Variants in GSE1 observed in about 807,000 individuals in gnomAD.
The protein encoded by GSE1 is Gse1 coiled-coil protein.
A neutral mutation model predicts 112.6 loss-of-function variants in GSE1; 32 were observed. That is an observed-to-expected ratio of 0.28 (90% CI 0.21 to 0.38). The LOEUF is 0.38. Among genes scored for constraint, GSE1 ranks in the 10% least tolerant of loss-of-function variants. The pLI, the probability that GSE1 is intolerant of heterozygous loss-of-function variation, is 1.00. For missense variants in GSE1, 2,348 were observed against 1,699.2 expected, an observed-to-expected ratio of 1.38 and a Z score of -6.71; for synonymous variants, 1,115 against 735.6, an observed-to-expected ratio of 1.52 and a Z score of -8.35.
Position 85,246,459 on chromosome 16 carries a change from A to ACACC in GSE1, c.2283+74653_2283+74654insACCC, listed in dbSNP as rs1247926241. Among the ~76,000 whole-genome samples the ACACC allele has an allele frequency of 1.4e-4, 9 of 64,144 alleles. No individual in the cohort carries two copies. In the South Asian group the frequency reaches 1.7e-3, roughly 12 times the overall value. 42.1% of individuals were successfully genotyped at this position (64,144 alleles called of 152,430 possible). A position where few individuals can be genotyped will look rare whatever the true frequency, so the allele number is the denominator to read the frequency against. ...TACACACACACACACACACACACAC[A>ACACC]CCCCACACGCTGCACACACACACAC... On this transcript the variant is annotated intron_variant, in intron 1 of 2. Coordinates refer to the GSE1 transcript ENST00000637419.
At chr16:85,561,081 G>A (rs930470459) in intron 1 of GSE1, among the ~76,000 whole-genome samples, 10 of 151,844 alleles carry the variant, frequency 6.6e-5, no homozygotes, top group African/African-American at 2.4e-4. Context: ...GCAGTGAGCT[G>A]TGATTCCACG....
intron 1 of GSE1, among the ~76,000 whole-genome samples, chr16:85,270,877 C>T (rs1249125639): frequency 1.3e-5 from 2 of 152,100 alleles, no homozygotes; most frequent in Non-Finnish European, 1.5e-5. Context: ...CAGAGGCAGG[C>T]GGACATGGAA....
intron 2 of GSE1, among the ~76,000 whole-genome samples, chr16:85,417,278 C>T (rs1449902853): frequency 6.6e-6 from 1 of 152,246 alleles, no homozygotes; most frequent in Non-Finnish European, 1.5e-5. Context: ...GTAGCACTCA[C>T]TCCCCGAGTT....
At chr16:85,611,707 C>T (rs2047995061), upstream of GSE1, among the ~76,000 whole-genome samples, 1 of 152,126 alleles carries the variant, frequency 6.6e-6, no homozygotes, top group African/African-American at 2.4e-5. Flanking sequence ...GGGAGCCCGC[C>T]AGACCCTGCC....
In GSE1 at chr16:85,654,866, C is replaced by G. The variant is rs775712616; in HGVS notation, c.672C>G (p.Pro224=). 8 of 1,611,818 alleles carry G rather than the reference C, an allele frequency of 5.0e-6. No homozygotes were observed. The Admixed American group carries it at 8.3e-5, about 17-fold the overall frequency. ...AGGACTACCTGAGAAGCTTCCGGCC[C>G]TACCACACCACCGACGACCTCCGCA... ...VTEDYLRSFR[P]YHTTDDLRMS... The change falls in exon 5 of 16, where the codon CCC becomes CCG. Residue 224 remains proline (P), a synonymous_variant. Transcript: ENST00000253458.
chr16:85,583,184 G>T (rs911753128), intron 1 of GSE1, among the ~76,000 whole-genome samples: 2 of 152,158 alleles, frequency 1.3e-5, no homozygotes, highest in African/African-American at 2.4e-5. Context: ...CTGTTCCCCC[G>T]ATTACAAGGG....
At chr16:85,259,273 G>C (rs1445923203) in intron 1 of GSE1, among the ~76,000 whole-genome samples, 5 of 74,902 alleles carry the variant, frequency 6.7e-5, no homozygotes, top group Admixed American at 5.6e-4. Context: ...CCTGCCCTGT[G>C]CTCCACCCTG....
chr16:85,199,584 C>T (rs2074991529), intron 1 of GSE1, among the ~76,000 whole-genome samples: 4 of 152,208 alleles, frequency 2.6e-5, no homozygotes, highest in African/African-American at 4.8e-5. Context: ...CCAGGAGGCC[C>T]CTCCGCTGAT....
chr16:85,438,571 C>T (rs1370460743), intron 2 of GSE1, among the ~76,000 whole-genome samples: 1 of 152,178 alleles, frequency 6.6e-6, no homozygotes, highest in Non-Finnish European at 1.5e-5. Context: ...AGACCCACAG[C>T]AGTGGAGTCA....
intron 1 of GSE1, among the ~76,000 whole-genome samples, chr16:85,262,077 C>T (rs1010087133): frequency 5.9e-5 from 9 of 152,208 alleles, no homozygotes; most frequent in Admixed American, 3.3e-4. Context: ...GAATCCAGAG[C>T]CCAGACTCTT....
chr16:85,328,390 G>A (rs1000297618), intron 1 of GSE1, among the ~76,000 whole-genome samples: 2 of 152,152 alleles, frequency 1.3e-5, no homozygotes, highest in Admixed American at 6.5e-5. Flanking sequence ...AGGAAGAGCC[G>A]GCTGAGCCAG....
intron 1 of GSE1, among the ~76,000 whole-genome samples, chr16:85,596,962 GTTT>G (rs969456169): frequency 2.7e-5 from 4 of 150,450 alleles, no homozygotes; most frequent in African/African-American, 1.0e-4. Flanking sequence ...CTTTGTAGTT[GTTT>G]TTTTGTTTGT....
At chr16:85,522,685 G>C (rs540564564) in intron 2 of GSE1, among the ~76,000 whole-genome samples, 2 of 152,204 alleles carry the variant, frequency 1.3e-5, no homozygotes, top group Non-Finnish European at 2.9e-5. Context: ...GTGTGAGGGC[G>C]TGAGTGGGTG....
intron 1 of GSE1, among the ~76,000 whole-genome samples, chr16:85,567,177 G>C (rs531884083): frequency 2.3e-4 from 35 of 152,184 alleles, no homozygotes; most frequent in African/African-American, 8.2e-4. Context: ...TCGGTGGGCA[G>C]GTCAGACCAA....
intron 1 of GSE1, among the ~76,000 whole-genome samples, chr16:85,349,263 C>A (rs1055253976): frequency 1.3e-5 from 2 of 152,118 alleles, no homozygotes; most frequent in Non-Finnish European, 2.9e-5. Flanking sequence ...GTATTTGGAG[C>A]CTCTGCTTGC....
chr16:85,177,066 G>A (rs750453022), intron 1 of GSE1, among the ~76,000 whole-genome samples: 3 of 152,260 alleles, frequency 2.0e-5, no homozygotes, highest in Admixed American at 6.5e-5. Flanking sequence ...ACTCAGAGGA[G>A]TGAGCTTTCC....
intron 2 of GSE1, among the ~76,000 whole-genome samples, chr16:85,378,249 T>C (rs1236213531): frequency 6.6e-6 from 1 of 152,150 alleles, no homozygotes; most frequent in Non-Finnish European, 1.5e-5. Flanking sequence ...GACTCTGTGA[T>C]GTTCAGGTTC....
intron 1 of GSE1, among the ~76,000 whole-genome samples, chr16:85,577,639 G>C (rs1226693075): frequency 6.6e-6 from 1 of 152,160 alleles, no homozygotes; most frequent in African/African-American, 2.4e-5. Context: ...CCCAGGGTGA[G>C]TGTGGCACAG....
rs1338083190 is a variant in GSE1, at chr16:85,588,166, C to G, written c.37+31803C>G. On this transcript the variant is annotated intron_variant, in intron 1 of 2. Transcript: ENST00000635906. Reference sequence around the variant, plus strand: ...GCCCCTCTCCCCAGCTGGCCTCTTGCATCTCGCTCGATTCCCCACCAGGAG... The same window carrying G: ...GCCCCTCTCCCCAGCTGGCCTCTTGGATCTCGCTCGATTCCCCACCAGGAG... 2.0e-4 allele frequency among the ~76,000 whole-genome samples: 31 copies of G among 152,220 alleles called. 1 individual carries two copies. Among genetic ancestry groups the G allele is most frequent in the Admixed American group, 2.0e-3 (30 of 15,288 alleles).
Sources: gnomAD v4.1 joint callset for allele counts (sites outside exome capture counted in the v4.1 genomes callset) on GRCh38, gnomAD v4.1.1 for gene constraint, MANE v1.5 for transcripts, NCBI Gene and HGNC (gene_info 2026-07-23, HGNC 2026-07-21) for gene names.